Variants in C19orf81 observed in about 807,000 individuals in gnomAD.
C19orf81 encodes the protein chromosome 19 open reading frame 81.
C19orf81 carries 19 observed loss-of-function variants against 22.1 expected under a neutral mutation model. The ratio of observed to expected loss-of-function variants is 0.86; its 90% confidence interval spans 0.60 to 1.26. C19orf81 has a LOEUF of 1.26. Among genes scored for constraint, C19orf81 ranks in the 50% most tolerant of loss-of-function variants. C19orf81 has a pLI of 0.00. For missense variants in C19orf81, 287 were observed against 280.7 expected, an observed-to-expected ratio of 1.02 and a Z score of -0.16; for synonymous variants, 108 against 113.1, an observed-to-expected ratio of 0.95 and a Z score of 0.29.
intron 4 of C19orf81, 71 bp downstream of exon 4, chr19:50,658,199 G>T: frequency 6.9e-7 from 1 of 1,458,328 alleles, no homozygotes; most frequent in Admixed American, 2.3e-5. Flanking sequence ...GGGTAAGAGC[G>T]TGGTTGGTTT....
chr19:50,657,433 C>G (rs917127295), intron 3 of C19orf81, among the ~76,000 whole-genome samples: 9 of 152,216 alleles, frequency 5.9e-5, no homozygotes, highest in South Asian at 2.1e-4. Flanking sequence ...GCTATGACAA[C>G]TGTTATCACC....
intron 1 of C19orf81, among the ~76,000 whole-genome samples, chr19:50,650,597 G>C (rs1268103305): frequency 1.3e-5 from 2 of 152,290 alleles, no homozygotes; most frequent in East Asian, 1.9e-4. Context: ...CTTGAACCCA[G>C]GAGGCAGAGG....
At chr19:50,658,266 G>A (rs1001289551) in intron 4 of C19orf81, 138 bp downstream of exon 4, 81 of 934,448 alleles carry the variant, frequency 8.7e-5, no homozygotes, top group Non-Finnish European at 1.2e-4. Flanking sequence ...GGCCCGGGGC[G>A]ACTAGATAAG....
In C19orf81 at chr19:50,652,251, CCAAA is replaced by C. The variant is rs369338403; in HGVS notation, c.67+2745_67+2748del. On this transcript the variant is annotated intron_variant, in intron 1 of 4. Coordinates refer to ENST00000425202, the MANE Select transcript of C19orf81 (RefSeq NM_001195076.2). ...ATAGTTGGCTTGTTTAAATTAGGGC[CCAAA>C]CAAAGTGCACACATTTCAGGCTTTA... Among the ~76,000 whole-genome samples the C allele has an allele frequency of 2.0e-4, 30 of 152,136 alleles. No individual in the cohort carries two copies. The East Asian group carries it at 2.7e-3, about 14-fold the overall frequency.
chr19:50,658,271 G>A (rs1285420738), intron 4 of C19orf81, 143 bp downstream of exon 4: 1 of 918,036 alleles, frequency 1.1e-6, no homozygotes, highest in Non-Finnish European at 1.6e-6. Context: ...GGGGCGACTA[G>A]ATAAGAGCGT....
intron 1 of C19orf81, among the ~76,000 whole-genome samples, 199 bp from the exon 2 acceptor site, chr19:50,655,851 T>C (rs1331681887): frequency 6.6e-6 from 1 of 151,954 alleles, no homozygotes; most frequent in East Asian, 1.9e-4. Flanking sequence ...GAAGGAGAAA[T>C]GTGGTTAGTA....
Position 50,655,802 on chromosome 19 carries a change from C to T in C19orf81, c.68-248C>T, listed in dbSNP as rs187763482. On this transcript the variant is annotated intron_variant, in intron 1 of 4. Coordinates refer to ENST00000425202, the MANE Select transcript of C19orf81 (RefSeq NM_001195076.2). ...CTCCTGCCTTGCAGGCTCCCACTGGCGCCCCTGTTAGGCAGAGCCTAATAG... is the reference window on the plus strand; with the variant it reads ...CTCCTGCCTTGCAGGCTCCCACTGGTGCCCCTGTTAGGCAGAGCCTAATAG... Among the ~76,000 whole-genome samples the T allele has an allele frequency of 3.4e-3, 522 of 152,316 alleles. 1 individual carries two copies. Among genetic ancestry groups the T allele is most frequent in the African/African-American group, 0.012 (503 of 41,562 alleles).
At chr19:50,655,798 C>G (rs1432152490) in intron 1 of C19orf81, among the ~76,000 whole-genome samples, 1 of 152,244 alleles carries the variant, frequency 6.6e-6, no homozygotes, top group African/African-American at 2.4e-5. Flanking sequence ...CAGGCTCCCA[C>G]TGGCGCCCCT....
At position 50,658,977 on chromosome 19, in the gene C19orf81, G is replaced by T. The variant is rs1174732262; in HGVS notation, c.432G>T (p.Thr144=). 2 of 1,510,102 alleles carry T rather than the reference G, an allele frequency of 1.3e-6. No individual in the cohort carries two copies. The highest frequency in any genetic ancestry group is 2.8e-5 in the African/African-American group (2 of 71,728). 93.5% of individuals were successfully genotyped at this position (1,510,102 alleles called of 1,614,324 possible). ...TCATCGCGGTCACGGACTTCCAGAC[G>T]CGCTCGCGCTTGCTGCGCTCCGGGC... ...RWLIAVTDFQ[T]RSRLLRSGLS... The change falls in exon 5 of 5, where the codon ACG becomes ACT. Residue 144 remains threonine (T), a synonymous_variant. Coordinates refer to ENST00000425202, the MANE Select transcript of C19orf81 (RefSeq NM_001195076.2).
At chr19:50,649,588 T>A (rs1271921833) in intron 1 of C19orf81, 77 bp downstream of exon 1, 1 of 1,462,552 alleles carries the variant, frequency 6.8e-7, no homozygotes, top group Non-Finnish European at 9.3e-7. Context: ...GCTCACAGTG[T>A]GGCCTTAAGC....
Position 50,658,118 on chromosome 19 carries a change from C to A in C19orf81, c.391C>A (p.Arg131Ser), listed in dbSNP as rs540313417. 128 of 1,533,346 alleles carry A rather than the reference C, an allele frequency of 8.3e-5. 2 individuals are homozygous for A. The Admixed American group carries it at 1.5e-3, about 18-fold the overall frequency. The allele number at this position is 1,533,346 out of a possible 1,614,324, so 95.0% of individuals were successfully genotyped here. A position where few individuals can be genotyped will look rare whatever the true frequency, so the allele number is the denominator to read the frequency against. ...NMNVICGTAG[R>S]RNRWLIAVTD... ...GAACGTCATCTGTGGGACTGCTGGGCGCCGGAACCGGTGAGTAAGCGGCGG... is the reference window on the plus strand; with the variant it reads ...GAACGTCATCTGTGGGACTGCTGGGAGCCGGAACCGGTGAGTAAGCGGCGG... Residue 131 changes from arginine to serine, a missense_variant, in exon 4 of 5, where the codon CGC (arginine) becomes AGC (serine). By Grantham distance (110) the Arg-to-Ser change is moderately radical. Transcript: ENST00000425202.
chr19:50,655,648 CA>C (rs772068035), intron 1 of C19orf81, among the ~76,000 whole-genome samples: 41 of 133,554 alleles, frequency 3.1e-4, no homozygotes, highest in South Asian at 7.3e-4. Context: ...GACTCTGTCT[CA>C]AAAAAAAAAA....
rs545212844 is a variant in C19orf81, at chr19:50,652,579, G to A, written c.67+3068G>A. 8.5e-5 allele frequency among the ~76,000 whole-genome samples: 13 copies of A among 152,246 alleles called. No individual in the cohort carries two copies. The South Asian group carries it at 2.1e-3, about 24-fold the overall frequency. On this transcript the variant is annotated intron_variant, in intron 1 of 4. Coordinates refer to ENST00000425202, the MANE Select transcript of C19orf81 (RefSeq NM_001195076.2). ...CAGGAGGGGTCAGAGAGTCCAAGTC[G>A]CAGAAAAACAGCGTTTTTGGACTGC... is the stretch of plus-strand genomic sequence containing the variant.
chr19:50,658,079 C>G lies in C19orf81; in HGVS notation c.352C>G (p.Arg118Gly). ...GGAGAGCGGGCGCGTGAGCAGCATC[C>G]GCTTTGAGAACATGAACGTCATCTG... is the stretch of plus-strand genomic sequence containing the variant. ...AMESGRVSSI[R>G]FENMNVICGT... The change falls in exon 4 of 5, where the codon CGC becomes GGC. Residue 118 changes from arginine (R) to glycine (G), a missense_variant. By Grantham distance (125) the Arg-to-Gly change is moderately radical (BLOSUM62 -2). Transcript: ENST00000425202. The G allele has an allele frequency of 6.5e-7, 1 of 1,535,904 alleles. No homozygotes were observed. Among genetic ancestry groups the G allele is most frequent in the Non-Finnish European group, 8.7e-7 (1 of 1,146,828 alleles).
At chr19:50,650,682 C>CA (rs1218859175) in intron 1 of C19orf81, among the ~76,000 whole-genome samples, 10 of 151,886 alleles carry the variant, frequency 6.6e-5, no homozygotes, top group Admixed American at 5.2e-4. Context: ...AAAAACAAAA[C>CA]AAACAAACAA....
At chr19:50,658,740 G>A (rs370340778) in intron 4 of C19orf81, 223 of 435,476 alleles carry the variant, frequency 5.1e-4, no homozygotes, top group African/African-American at 3.7e-3. Context: ...ACAGTGATTA[G>A]GACGCAGAAC....
chr19:50,655,803 G>A (rs966254919), intron 1 of C19orf81, among the ~76,000 whole-genome samples: 2 of 152,190 alleles, frequency 1.3e-5, no homozygotes, highest in African/African-American at 4.8e-5. Flanking sequence ...TCCCACTGGC[G>A]CCCCTGTTAG....
intron 1 of C19orf81, among the ~76,000 whole-genome samples, chr19:50,652,839 G>T (rs892267493): frequency 2.6e-5 from 4 of 152,114 alleles, no homozygotes; most frequent in Non-Finnish European, 5.9e-5. Flanking sequence ...AGAGTGAGGT[G>T]AGAGGAAGGC....
At chr19:50,655,656 A>G (rs1390847704) in intron 1 of C19orf81, among the ~76,000 whole-genome samples, 1 of 152,070 alleles carries the variant, frequency 6.6e-6, no homozygotes, top group Non-Finnish European at 1.5e-5. Flanking sequence ...CTCAAAAAAA[A>G]AAAACAAAAA....
Sources: gnomAD v4.1 joint callset for allele counts (sites outside exome capture counted in the v4.1 genomes callset) on GRCh38, gnomAD v4.1.1 for gene constraint, MANE v1.5 for transcripts, NCBI Gene and HGNC (gene_info 2026-07-23, HGNC 2026-07-21) for gene names.